The following PCOLCE2 variants were observed in gnomAD, a reference collection of about 807,000 sequenced individuals.
The protein encoded by PCOLCE2 is procollagen C-proteinase enhancer 2.
A neutral mutation model predicts 47.0 loss-of-function variants in PCOLCE2; 42 were observed. That is an observed-to-expected ratio of 0.89 (90% CI 0.70 to 1.16). PCOLCE2 has a LOEUF of 1.16. Among genes scored for constraint, PCOLCE2 ranks in the 50% most tolerant of loss-of-function variants. The pLI is 0.00. For synonymous variants in PCOLCE2, 169 were observed against 191.7 expected (o/e 0.88, Z 0.98); for missense variants, 500 against 526.1 (o/e 0.95, Z 0.49).
intron 8 of PCOLCE2, 88 bp downstream of exon 8, chr3:142,820,790 T>C: frequency 8.9e-7 from 1 of 1,123,644 alleles, no homozygotes; most frequent in Non-Finnish European, 1.3e-6. Flanking sequence ...GTGGGCAACA[T>C]ATTAGCCCTG....
intron 6 of PCOLCE2, chr3:142,827,463 C>T (rs1937095787): frequency 1.3e-6 from 2 of 1,540,324 alleles, no homozygotes; most frequent in African/African-American, 2.7e-5. Flanking sequence ...TGGGAGATAG[C>T]AGTGGCATAG....
At chr3:142,852,303 C>T (rs1274952133) in intron 2 of PCOLCE2, among the ~76,000 whole-genome samples, 1 of 152,016 alleles carries the variant, frequency 6.6e-6, no homozygotes, top group African/African-American at 2.4e-5. Context: ...TCCTGATTGT[C>T]ATTATAAAGG....
intron 2 of PCOLCE2, among the ~76,000 whole-genome samples, chr3:142,885,598 A>T (rs1369655418): frequency 6.6e-6 from 1 of 152,218 alleles, no homozygotes; most frequent in African/African-American, 2.4e-5. Flanking sequence ...AACCGCAGGC[A>T]GAGCTGCTGA....
intron 5 of PCOLCE2, among the ~76,000 whole-genome samples, chr3:142,838,350 G>A (rs1253165833): frequency 2.6e-5 from 4 of 152,162 alleles, no homozygotes; most frequent in South Asian, 4.2e-4. Context: ...GGATCATCAG[G>A]GCGGTTTCTC....
At chr3:142,854,211 GA>G (rs1933016246) in intron 2 of PCOLCE2, among the ~76,000 whole-genome samples, 1 of 152,136 alleles carries the variant, frequency 6.6e-6, no homozygotes, top group South Asian at 2.1e-4. Flanking sequence ...TGCAGCACGT[GA>G]TTTTTTTTTA....
rs559091363 is a variant in PCOLCE2, at chr3:142,879,523, G to C, written c.192+8146C>G. Among the ~76,000 whole-genome samples the C allele has an allele frequency of 2.0e-5, 3 of 152,324 alleles. No homozygotes were observed. In the South Asian group the frequency reaches 6.2e-4, roughly 32 times the overall value. On this transcript the variant is annotated intron_variant, in intron 2 of 8. Coordinates refer to ENST00000295992, the MANE Select transcript of PCOLCE2 (RefSeq NM_013363.4). ...TTAGAAAAACTGGACTGAGGCCCCA[G>C]TGGGAAAATGTCACCTACAGTGCTT...
At chr3:142,838,952 T>A in intron 4 of PCOLCE2, 46 bp from the exon 5 acceptor site, 1 of 1,443,414 alleles carries the variant, frequency 6.9e-7, no homozygotes, top group Middle Eastern at 1.8e-4. Flanking sequence ...ATAGCATTGT[T>A]GAATAACCTC....
chr3:142,874,526 T>C (rs1396780340), intron 2 of PCOLCE2, among the ~76,000 whole-genome samples: 3 of 152,242 alleles, frequency 2.0e-5, no homozygotes, highest in Non-Finnish European at 4.4e-5. Flanking sequence ...CTTTTCTTTA[T>C]AAATTACCCA....
chr3:142,845,853 T>A (rs1937322355), intron 3 of PCOLCE2, among the ~76,000 whole-genome samples: 1 of 152,130 alleles, frequency 6.6e-6, no homozygotes, highest in African/African-American at 2.4e-5. Context: ...CGCATGCCTG[T>A]AATCCCAGCT....
At chr3:142,855,481 A>G (rs1362146605) in intron 2 of PCOLCE2, among the ~76,000 whole-genome samples, 1 of 152,190 alleles carries the variant, frequency 6.6e-6, no homozygotes, top group Non-Finnish European at 1.5e-5. Context: ...TGACTTGCCT[A>G]AGGCCACCCA....
chr3:142,825,745 T>C (rs1270573202), intron 6 of PCOLCE2, among the ~76,000 whole-genome samples: 2 of 152,208 alleles, frequency 1.3e-5, no homozygotes, highest in Non-Finnish European at 2.9e-5. Flanking sequence ...TTCATTTCCA[T>C]GGTCCATTAT....
intron 2 of PCOLCE2, among the ~76,000 whole-genome samples, chr3:142,875,082 G>A (rs1038413606): frequency 1.6e-4 from 24 of 152,018 alleles, no homozygotes; most frequent in Admixed American, 1.0e-3. Context: ...AGATTTATGG[G>A]GCATAAAATA....
chr3:142,868,677 T>C (rs922993895), intron 2 of PCOLCE2, among the ~76,000 whole-genome samples: 1 of 152,130 alleles, frequency 6.6e-6, no homozygotes, highest in African/African-American at 2.4e-5. Context: ...CTCTTTAAAT[T>C]AGCAGATCAG....
intron 1 of PCOLCE2, 129 bp downstream of exon 1, chr3:142,888,685 G>C: frequency 1.9e-6 from 1 of 520,884 alleles, no homozygotes; most frequent in South Asian, 4.1e-5. Flanking sequence ...CCTGCACCGC[G>C]CGGGAGCGCA....
chr3:142,834,768 T>C (rs941384951), intron 5 of PCOLCE2, among the ~76,000 whole-genome samples: 5 of 152,182 alleles, frequency 3.3e-5, no homozygotes, highest in African/African-American at 9.7e-5. Flanking sequence ...ATAAATGAGA[T>C]TGGTCTCTAA....
chr3:142,841,133 TAAAG>T (rs1937261098), intron 4 of PCOLCE2, among the ~76,000 whole-genome samples: 1 of 149,838 alleles, frequency 6.7e-6, no homozygotes, highest in Non-Finnish European at 1.5e-5. Flanking sequence ...TTAAAAAAAG[TAAAG>T]AAGAAGATAA....
intron 2 of PCOLCE2, among the ~76,000 whole-genome samples, chr3:142,854,175 C>T (rs1453237032): frequency 2.0e-5 from 3 of 150,788 alleles, no homozygotes; most frequent in Non-Finnish European, 4.4e-5. Context: ...ACATCATTTA[C>T]TACTTTGATC....
In PCOLCE2 at chr3:142,823,597, G is replaced by A. The variant is rs1452427497; in HGVS notation, c.884C>T (p.Ala295Val). 2 of 1,606,000 alleles carry A rather than the reference G, an allele frequency of 1.2e-6. No individual in the cohort carries two copies. Among genetic ancestry groups the A allele is most frequent in the African/African-American group, 2.7e-5 (2 of 74,754 alleles). The change falls in exon 7 of 9, where the codon GCC becomes GTC. Residue 295 changes from alanine (A) to valine (V), a missense_variant. By Grantham distance (64) the Ala-to-Val change is moderately conservative (BLOSUM62 0). Coordinates refer to ENST00000295992, the MANE Select transcript of PCOLCE2 (RefSeq NM_013363.4). The stretch of plus-strand genomic sequence containing the variant: ...CCGTCTACACTTTTGTTGACACAAG[G>A]CCACGGTGGGTTTTAAACCTTAATT... ...PVTTGLKPTV[A>V]LCQQKCRRTG...
chr3:142,836,933 C>T (rs1378570956), intron 5 of PCOLCE2, among the ~76,000 whole-genome samples: 1 of 152,106 alleles, frequency 6.6e-6, no homozygotes, highest in East Asian at 1.9e-4. Context: ...CATCCTAATC[C>T]CTGGACACTG....
Sources: gnomAD v4.1 joint callset for allele counts (sites outside exome capture counted in the v4.1 genomes callset) on GRCh38, gnomAD v4.1.1 for gene constraint, MANE v1.5 for transcripts, NCBI Gene and HGNC (gene_info 2026-07-23, HGNC 2026-07-21) for gene names.